CUL9: variants seen among roughly 807,000 people sequenced by gnomAD.
The protein encoded by CUL9 is cullin 9.
CUL9 carries 79 observed loss-of-function variants against 272.6 expected under a neutral mutation model. That is an observed-to-expected ratio of 0.29 (90% CI 0.24 to 0.35). CUL9 has a LOEUF of 0.35. Ranked by LOEUF, CUL9 falls within the 10% of genes least tolerant of loss-of-function variation. CUL9 has a pLI of 1.00. For synonymous variants in CUL9, 1,186 were observed against 1,286.5 expected, an observed-to-expected ratio of 0.92 and a Z score of 1.67; for missense variants, 2,532 against 3,255.6, an observed-to-expected ratio of 0.78 and a Z score of 5.41.
Position 43,200,663 on chromosome 6 carries a change from G to T in CUL9, c.3476G>T (p.Gly1159Val), listed in dbSNP as rs766313942. 5.6e-6 allele frequency: 9 copies of T among 1,614,056 alleles called. No homozygotes were observed. The highest frequency in any genetic ancestry group is 2.2e-5 in the East Asian group (1 of 44,878). ...GCCACCCCTTCCCACTTGCCCCCAG[G>T]CTCCAGTGTGGAAGTGAAGGAGGAC... ...FDVFLRHLCQ[G>V]SSVEVKEDKC... Residue 1159 changes from glycine (G) to valine (V), a missense_variant and splice_region_variant, in exon 16 of 41, where the codon GGC becomes GTC. Gly to Val is a moderately radical substitution (Grantham distance 109). Transcript: ENST00000252050. This position sits in a 1 kb window ranked among gnomAD's most constrained non-coding sequence, Gnocchi z 4.0.
intron 9 of CUL9, among the ~76,000 whole-genome samples, chr6:43,194,331 T>C (rs1773805936): frequency 6.6e-6 from 1 of 152,038 alleles, no homozygotes; most frequent in East Asian, 1.9e-4. Context: ...TTTCTTTTCT[T>C]TTTCTTTGAC....
At position 43,202,793 on chromosome 6, in the gene CUL9, C is replaced by T; in HGVS notation, c.3725C>T (p.Thr1242Ile). Residue 1242 changes from threonine (T) to isoleucine (I), a missense_variant, in exon 17 of 41, where the codon ACC becomes ATC. Around this residue, in one of 3 missense-constraint regions of CUL9, gnomAD observed 2,218 missense variants for 2,788.6 expected, o/e 0.80. Transcript: ENST00000252050. ...GTGGTGGTGTTTGGGGGTGACAGCA[C>T]CAGCTGCATCGGCACTGAGCTCAAC... Reference protein sequence around the residue: ...ARVVVFGGDSTSCIGTELNTV... With the variant: ...ARVVVFGGDSISCIGTELNTV... 2 of 1,614,086 alleles carry T rather than the reference C, an allele frequency of 1.2e-6. No individual in the cohort carries two copies. Among genetic ancestry groups the T allele is most frequent in the Non-Finnish European group, 1.7e-6 (2 of 1,180,018 alleles).
chr6:43,183,692 C>CCCTT (rs1351319812), intron 1 of CUL9, among the ~76,000 whole-genome samples: 18 of 149,536 alleles, frequency 1.2e-4, no homozygotes, highest in East Asian at 3.9e-4. Context: ...TTGTAAACTC[C>CCCTT]CCTTCCTTCC....
At chr6:43,198,879 T>C (rs1774257602) in intron 12 of CUL9, 24 bp downstream of exon 12, 1 of 1,604,490 alleles carries the variant, frequency 6.2e-7, no homozygotes, top group Non-Finnish European at 8.5e-7. Flanking sequence ...TGAGGCACCA[T>C]GCATTGGGAC....
At position 43,205,332 on chromosome 6, in the gene CUL9, G is replaced by A. The variant is rs372203322; in HGVS notation, c.4702G>A (p.Val1568Met). 1 of 1,614,102 alleles carries A rather than the reference G, an allele frequency of 6.2e-7. No individual in the cohort carries two copies. Among genetic ancestry groups the A allele is most frequent in the African/African-American group, 1.3e-5 (1 of 74,928 alleles). Residue 1568 changes from valine to methionine, a missense_variant, in exon 24 of 41, where the codon GTG (valine) becomes ATG (methionine). By Grantham distance (21) the Val-to-Met change is conservative (BLOSUM62 1). Around this residue, in one of 3 missense-constraint regions of CUL9, gnomAD observed 2,218 missense variants for 2,788.6 expected, o/e 0.80. Transcript: ENST00000252050. ...QGGLIGGAPG[V>M]EMLGQLQRHL... ...TGGCCTGATTGGTGGAGCCCCTGGA[G>A]TGGAAATGCTGGGGCAGCTTCAGCG...
In CUL9 at chr6:43,204,734, C is replaced by G; in HGVS notation, c.4340-14C>G. On this transcript the variant is annotated splice_polypyrimidine_tract_variant and intron_variant, in intron 21 of 40. Transcript: ENST00000252050. ...CTGAGATGAAACCCCTTCCTTCTCC[C>G]TCTGTCTCTACAGTCAGCAAGAACA... The G allele has an allele frequency of 2.5e-6, 4 of 1,613,402 alleles. No individual in the cohort carries two copies. The highest frequency in any genetic ancestry group is 2.5e-6 in the Non-Finnish European group (3 of 1,179,592).
chr6:43,201,052 C>T (rs1029280891), intron 16 of CUL9, among the ~76,000 whole-genome samples: 1 of 152,228 alleles, frequency 6.6e-6, no homozygotes. Flanking sequence ...GTACAGATGG[C>T]ACTGCCCTGT....
chr6:43,185,418 G>C, intron 2 of CUL9, 38 bp from the exon 3 acceptor site: 1 of 1,600,078 alleles, frequency 6.2e-7, no homozygotes, highest in Non-Finnish European at 8.5e-7. Context: ...AAAGTACTGG[G>C]GATTGAGGAG....
intron 8 of CUL9, among the ~76,000 whole-genome samples, chr6:43,191,275 T>C (rs1773446066): frequency 1.3e-5 from 2 of 149,580 alleles, no homozygotes; most frequent in African/African-American, 2.5e-5. Flanking sequence ...TGTGTGTGTG[T>C]GTGTGTGTGT....
chr6:43,198,146 C>A, intron 11 of CUL9: 1 of 365,232 alleles, frequency 2.7e-6, no homozygotes, highest in Non-Finnish European at 3.8e-6. Context: ...GAGGCTGAGG[C>A]AGGAGAATCA....
In CUL9 at chr6:43,203,591, A is replaced by G; in HGVS notation, c.4024A>G (p.Arg1342Gly). Residue 1342 changes from arginine to glycine, a missense_variant and splice_region_variant, in exon 19 of 41, where the codon AGA (arginine) becomes GGA (glycine). Around this residue, in one of 3 missense-constraint regions of CUL9, gnomAD observed 2,218 missense variants for 2,788.6 expected, o/e 0.80. Transcript: ENST00000252050. The surrounding 1 kb of genome is among the most constrained non-coding windows in gnomAD (Gnocchi z 5.0). ...CCGGCGCCTCCTCCAGCTCTGTCCC[A>G]GGTGGGTGGGGCCTGAGGAGGGAAG... Reference protein sequence around the residue: ...DHRRLLQLCPRLNRVLRHEQN... With the variant: ...DHRRLLQLCPGLNRVLRHEQN... The G allele has an allele frequency of 6.2e-7, 1 of 1,612,732 alleles. No homozygotes were observed. Among genetic ancestry groups the G allele is most frequent in the South Asian group, 1.1e-5 (1 of 91,030 alleles).
Position 43,185,844 on chromosome 6 carries a change from C to T in CUL9, c.751-111C>T. ...TACACAAATCAAAGTTTCAGAACTA[C>T]AGGCCTGGGGAGAAGGCCTTTATAT... is the stretch of plus-strand genomic sequence containing the variant. On this transcript the variant is annotated intron_variant, in intron 3 of 40. Transcript: ENST00000252050. 2.9e-6 allele frequency: 4 copies of T among 1,389,792 alleles called. No homozygotes were observed. The South Asian group carries it at 4.3e-5, about 15-fold the overall frequency. 86.1% of individuals were successfully genotyped at this position (1,389,792 alleles called of 1,614,324 possible).
intron 26 of CUL9, among the ~76,000 whole-genome samples, chr6:43,207,801 T>G (rs1452054616): frequency 6.6e-6 from 1 of 152,232 alleles, no homozygotes; most frequent in African/African-American, 2.4e-5. Context: ...ATGGTCATAT[T>G]TTACCTGTTT....
intron 24 of CUL9, among the ~76,000 whole-genome samples, chr6:43,205,795 C>T (rs1774996503): frequency 6.7e-6 from 1 of 148,704 alleles, no homozygotes. Flanking sequence ...CGTCATTGCA[C>T]TTCAGCCTGG....
chr6:43,204,530 A>T lies in CUL9; in HGVS notation c.4330A>T (p.Thr1444Ser). 1 of 1,613,646 alleles carries T rather than the reference A, an allele frequency of 6.2e-7. No individual in the cohort carries two copies. Among genetic ancestry groups the T allele is most frequent in the Non-Finnish European group, 8.5e-7 (1 of 1,179,974 alleles). ...PPPGPSPEPS[T>S]RPFSKNSKGR... ...TCCTGGGCCTTCTCCTGAGCCATCC[A>T]CTCGGCCCTGTAAGTCCCAGCTGTG... The change falls in exon 21 of 41, where the codon ACT (threonine) becomes TCT (serine). Residue 1444 changes from threonine (T) to serine (S), a missense_variant. This residue lies in a region of CUL9 where 2,218 missense variants were observed against 2,788.6 expected (regional missense o/e 0.80). Coordinates refer to ENST00000252050, the MANE Select transcript of CUL9 (RefSeq NM_015089.4).
rs369111943 is a variant in CUL9 at position 43,203,414 on chromosome 6, C to T, written c.3850-3C>T. Reference sequence around the variant, plus strand: ...GTGACAGATAAGTCTGTGCATGTTCCAGGGCGGCATTGACACCCGGGTTCG... The same window carrying T: ...GTGACAGATAAGTCTGTGCATGTTCTAGGGCGGCATTGACACCCGGGTTCG... On this transcript the variant is annotated splice_polypyrimidine_tract_variant and splice_region_variant and intron_variant, in intron 18 of 40. Transcript: ENST00000252050. This position sits in a 1 kb window ranked among gnomAD's most constrained non-coding sequence, Gnocchi z 5.0. 1 of 1,613,778 alleles carries T rather than the reference C, an allele frequency of 6.2e-7. No homozygotes were observed.
In CUL9 at chr6:43,224,253, C is replaced by T; in HGVS notation, c.7362C>T (p.Pro2454=). 1.2e-6 allele frequency: 2 copies of T among 1,614,100 alleles called. No homozygotes were observed. The highest frequency in any genetic ancestry group is 1.7e-6 in the Non-Finnish European group (2 of 1,179,996). ...TGAGTGTGGTGGCTCTCCCTAGGCC[C>T]CAGGCCTCCTCAGGGCCAGAGGCAG... ...AKGPNMPGSQ[P]QASSGPEAEE... is the part of the protein sequence containing the mutation. The change falls in exon 41 of 41, where the codon CCC becomes CCT. Residue 2454 remains proline, a synonymous_variant. Coordinates refer to ENST00000252050, the MANE Select transcript of CUL9 (RefSeq NM_015089.4). The surrounding 1 kb of genome is among the most constrained non-coding windows in gnomAD (Gnocchi z 4.2).
At position 43,191,481 on chromosome 6, in the gene CUL9, A is replaced by ATTTTTTTTTTTTTT. The variant is rs34090146; in HGVS notation, c.2181-1509_2181-1496dup. Among the ~76,000 whole-genome samples, 114 of 97,422 alleles carry ATTTTTTTTTTTTTT rather than the reference A, an allele frequency of 1.2e-3. 2 individuals carry two copies. Among genetic ancestry groups the ATTTTTTTTTTTTTT allele is most frequent in the African/African-American group, 5.2e-3 (103 of 19,726 alleles). The allele number at this position is 97,422 out of a possible 152,430, so 63.9% of individuals were successfully genotyped here. On this transcript the variant is annotated intron_variant, in intron 8 of 40. Transcript: ENST00000252050. ...AGGAATGAGCCACCACACCCAGCTAATTTTTTTTTTTTTTTTTTTTTTTTA... is the reference window on the plus strand; with the variant it reads ...AGGAATGAGCCACCACACCCAGCTAATTTTTTTTTTTTTTTTTTTTTTTTTTTTTTTTTTTTTTA...
rs773142002 is a variant in CUL9, at chr6:43,203,127, G to A, written c.3772G>A (p.Ala1258Thr). 30 of 1,613,402 alleles carry A rather than the reference G, an allele frequency of 1.9e-5. No individual in the cohort carries two copies. The highest frequency in any genetic ancestry group is 2.5e-5 in the Non-Finnish European group (30 of 1,180,036). ...CTACCAGGTGAATGTGATGCCCTCTGCCAGCCGGGTGATCCTCTTGGAGAA... is the reference window on the plus strand; with the variant it reads ...CTACCAGGTGAATGTGATGCCCTCTACCAGCCGGGTGATCCTCTTGGAGAA... ...ELNTVNVMPS[A>T]SRVILLENLN... The change falls in exon 18 of 41, where the codon GCC (alanine) becomes ACC (threonine). Residue 1258 changes from alanine (A) to threonine (T), a missense_variant. Ala to Thr is a moderately conservative substitution (Grantham distance 58). Transcript: ENST00000252050. This position sits in a 1 kb window ranked among gnomAD's most constrained non-coding sequence, Gnocchi z 5.0.
Sources: allele counts gnomAD v4.1 joint callset (sites outside exome capture counted in the v4.1 genomes callset), GRCh38; gene constraint gnomAD v4.1.1; regional missense constraint gnomAD v4.1.1; non-coding constraint Gnocchi (gnomAD v3.1); transcripts MANE v1.5; gene names NCBI Gene and HGNC (gene_info 2026-07-23, HGNC 2026-07-21).